RORA: variants seen among roughly 807,000 people sequenced by gnomAD.
RORA encodes RAR related orphan receptor A, also known as nuclear receptor ROR-alpha.
A neutral mutation model predicts 69.5 loss-of-function variants in RORA; 7 were observed. That is an observed-to-expected ratio of 0.10 (90% CI 0.06 to 0.19). RORA has a LOEUF of 0.19. RORA is among the 10% of genes least tolerant of loss of function. RORA has a pLI of 1.00. For missense variants in RORA, 457 were observed against 663.0 expected (o/e 0.69, Z 3.41); for synonymous variants, 261 against 240.8 (o/e 1.08, Z -0.78).
At chr15:60,967,608 T>C (rs1172960473) in intron 1 of RORA, among the ~76,000 whole-genome samples, 1 of 152,184 alleles carries the variant, frequency 6.6e-6, no homozygotes, top group African/African-American at 2.4e-5. Flanking sequence ...GCAAGTGCCA[T>C]AGGAAACAGA....
intron 1 of RORA, among the ~76,000 whole-genome samples, chr15:61,073,795 T>C (rs1268781648): frequency 6.6e-6 from 1 of 152,136 alleles, no homozygotes; most frequent in Non-Finnish European, 1.5e-5. Context: ...GAAAAAAAGA[T>C]GTTGGGGTTT....
At chr15:60,941,291 C>T (rs1278529611) in intron 1 of RORA, among the ~76,000 whole-genome samples, 3 of 152,208 alleles carry the variant, frequency 2.0e-5, no homozygotes, top group African/African-American at 4.8e-5. Flanking sequence ...GGTTCCTTGT[C>T]CTTGAAGTGG....
chr15:61,115,957 A>G (rs1232955917), intron 1 of RORA, among the ~76,000 whole-genome samples: 1 of 152,210 alleles, frequency 6.6e-6, no homozygotes, highest in African/African-American at 2.4e-5. Flanking sequence ...CTAGGGGACA[A>G]GATGAATTGG....
At chr15:60,891,889 G>A (rs111680816) in intron 1 of RORA, among the ~76,000 whole-genome samples, 1 of 152,038 alleles carries the variant, frequency 6.6e-6, no homozygotes, top group African/African-American at 2.4e-5. Flanking sequence ...GGATGCCTTC[G>A]TGGCTTCCCA....
chr15:61,047,530 A>G (rs2140489994), intron 1 of RORA, among the ~76,000 whole-genome samples: 1 of 152,352 alleles, frequency 6.6e-6, no homozygotes, highest in East Asian at 1.9e-4. Context: ...GGGCAAATGG[A>G]ACTTCTCCTT....
At chr15:60,813,521 G>A (rs769061351) in intron 1 of RORA, among the ~76,000 whole-genome samples, 43 of 152,144 alleles carry the variant, frequency 2.8e-4, no homozygotes, top group Admixed American at 6.5e-4. Flanking sequence ...GCTGAATGGG[G>A]TCTGGAATCT....
intron 1 of RORA, among the ~76,000 whole-genome samples, chr15:61,164,817 G>GA (rs1314198633): frequency 1.3e-5 from 2 of 152,188 alleles, no homozygotes; most frequent in Non-Finnish European, 2.9e-5. Context: ...GAGAGGTATG[G>GA]AGGGATAACA....
At chr15:60,837,846 T>C (rs341399) in intron 1 of RORA, among the ~76,000 whole-genome samples, 104,726 of 152,054 alleles carry the variant, frequency 0.69, 38,903 homozygotes, top group Non-Finnish European at 0.85. Flanking sequence ...CTGGGAGCAA[T>C]TGAGTTGTCC....
At chr15:61,051,152 C>G (rs1031973485) in intron 1 of RORA, among the ~76,000 whole-genome samples, 11 of 152,148 alleles carry the variant, frequency 7.2e-5, no homozygotes, top group Admixed American at 6.6e-5. Context: ...TGCATCTGAG[C>G]AGGGTGTGGA....
At chr15:60,669,942 A>G (rs1049625935) in intron 2 of RORA, among the ~76,000 whole-genome samples, 2 of 152,202 alleles carry the variant, frequency 1.3e-5, no homozygotes, top group Non-Finnish European at 2.9e-5. Flanking sequence ...AATGTGCCTT[A>G]CACAATGTTA....
chr15:60,817,942 A>G (rs1273827242), intron 1 of RORA, among the ~76,000 whole-genome samples: 1 of 151,968 alleles, frequency 6.6e-6, no homozygotes, highest in African/African-American at 2.4e-5. Context: ...CTTATATACT[A>G]TTTTCTTTTA....
At chr15:60,836,370 A>G (rs1174962203) in intron 1 of RORA, among the ~76,000 whole-genome samples, 1 of 152,136 alleles carries the variant, frequency 6.6e-6, no homozygotes, top group Non-Finnish European at 1.5e-5. Flanking sequence ...AGAGATGTAA[A>G]TTCAAGGACA....
intron 1 of RORA, among the ~76,000 whole-genome samples, chr15:61,046,630 T>C (rs1360700755): frequency 1.3e-5 from 2 of 152,132 alleles, no homozygotes; most frequent in East Asian, 1.9e-4. Flanking sequence ...CTCTGACAAA[T>C]GTTGCTTAAT....
intron 1 of RORA, among the ~76,000 whole-genome samples, chr15:61,134,038 T>C (rs1464838954): frequency 6.6e-6 from 1 of 152,182 alleles, no homozygotes; most frequent in Non-Finnish European, 1.5e-5. Context: ...AGCAGGTAGG[T>C]CACTGATTTC....
intron 1 of RORA, among the ~76,000 whole-genome samples, chr15:61,133,937 G>C (rs1424861458): frequency 6.6e-6 from 1 of 152,146 alleles, no homozygotes; most frequent in Non-Finnish European, 1.5e-5. Flanking sequence ...TGAACATCTT[G>C]CCAAAACACA....
chr15:60,524,484 T>C (rs1418778666), intron 3 of RORA, among the ~76,000 whole-genome samples: 3 of 152,198 alleles, frequency 2.0e-5, no homozygotes, highest in Non-Finnish European at 4.4e-5. Context: ...TCTCCTTCCC[T>C]TCAGGATTCA....
chr15:60,509,028 C>G (rs1200649413), intron 5 of RORA, among the ~76,000 whole-genome samples: 1 of 152,114 alleles, frequency 6.6e-6, no homozygotes, highest in East Asian at 1.9e-4. Flanking sequence ...ATTTATTTTC[C>G]TATTATACAA....
chr15:60,944,800 A>G (rs1235166117), intron 1 of RORA, among the ~76,000 whole-genome samples: 2 of 151,970 alleles, frequency 1.3e-5, no homozygotes, highest in African/African-American at 2.4e-5. Flanking sequence ...CTGCAGAAGG[A>G]TAGAAAAATG....
intron 1 of RORA, among the ~76,000 whole-genome samples, chr15:61,151,690 T>C (rs192707990): frequency 1.3e-3 from 200 of 152,340 alleles, no homozygotes; most frequent in African/African-American, 4.6e-3. Flanking sequence ...CTGGCCACCA[T>C]TGTCTTTACC....
Sources: allele counts gnomAD v4.1 joint callset (sites outside exome capture counted in the v4.1 genomes callset), GRCh38; gene constraint gnomAD v4.1.1; transcripts MANE v1.5; gene names NCBI Gene and HGNC (gene_info 2026-07-23, HGNC 2026-07-21).